DCTPP1: variants seen among roughly 807,000 people sequenced by gnomAD.
DCTPP1 encodes XTP3-transactivated gene A protein.
In DCTPP1, 8 loss-of-function variants were observed where a neutral mutation model predicts 8.8. The observed-to-expected ratio is 0.91, with a 90% CI of 0.54 to 1.64. The LOEUF is 1.64. Ranked by LOEUF, DCTPP1 falls within the 40% of genes most tolerant of loss-of-function variation. DCTPP1 has a pLI of 0.00. For synonymous variants in DCTPP1, 85 were observed against 92.1 expected (o/e 0.92, Z 0.44); for missense variants, 231 against 230.4 (o/e 1.00, Z -0.02).
chr16:30,424,802 A>G (rs1041540134), intron 2 of DCTPP1, among the ~76,000 whole-genome samples: 1 of 152,212 alleles, frequency 6.6e-6, no homozygotes, highest in African/African-American at 2.4e-5. Flanking sequence ...CGTCACCACC[A>G]CAGACCAAAC....
At chr16:30,428,597 C>G (rs995447378) in intron 2 of DCTPP1, among the ~76,000 whole-genome samples, 1 of 152,028 alleles carries the variant, frequency 6.6e-6, no homozygotes, top group Non-Finnish European at 1.5e-5. Flanking sequence ...TGGTGAAACC[C>G]CGTCTCCACT....
intron 2 of DCTPP1, among the ~76,000 whole-genome samples, chr16:30,426,439 T>C (rs1597037247): frequency 6.6e-6 from 1 of 151,230 alleles, no homozygotes. Flanking sequence ...TCTCCCAAAA[T>C]GCTGGGATTA....
intron 1 of DCTPP1, chr16:30,429,638 G>C (rs1014227173): frequency 7.7e-6 from 4 of 517,830 alleles, no homozygotes; most frequent in South Asian, 2.6e-5. Context: ...TATCTTCCCA[G>C]GGCTAGGCTG....
At chr16:30,429,250 T>G (rs1338339979) in intron 1 of DCTPP1, 83 bp from the exon 2 acceptor site, 1 of 1,371,916 alleles carries the variant, frequency 7.3e-7, no homozygotes. Flanking sequence ...CCCCGTAGTA[T>G]GTAATGGGGC....
intron 2 of DCTPP1, among the ~76,000 whole-genome samples, chr16:30,426,559 C>T (rs1488713513): frequency 6.6e-6 from 1 of 150,396 alleles, no homozygotes; most frequent in Non-Finnish European, 1.5e-5. Flanking sequence ...GCCAGCTCTG[C>T]CTCCCGGATT....
At chr16:30,428,351 G>C (rs2151129343) in intron 2 of DCTPP1, among the ~76,000 whole-genome samples, 1 of 152,328 alleles carries the variant, frequency 6.6e-6, no homozygotes, top group Non-Finnish European at 1.5e-5. Flanking sequence ...AGGAGCGTCA[G>C]ATTCTCCCTG....
At chr16:30,429,597 C>T (rs1350379011) in intron 1 of DCTPP1, 5 of 460,476 alleles carry the variant, frequency 1.1e-5, no homozygotes, top group African/African-American at 4.1e-5. Flanking sequence ...ACCCCCGGCG[C>T]CTGGAGAGCA....
chr16:30,429,192 GT>G (rs1392133793), intron 1 of DCTPP1, 25 bp from the exon 2 acceptor site: 3 of 1,612,728 alleles, frequency 1.9e-6, no homozygotes, highest in African/African-American at 2.7e-5. Context: ...AGGAGTGTAA[GT>G]CCAAGTCTCC....
chr16:30,426,575 G>A (rs1177019797), intron 2 of DCTPP1, among the ~76,000 whole-genome samples: 1 of 142,714 alleles, frequency 7.0e-6, no homozygotes, highest in Non-Finnish European at 1.5e-5. Context: ...GGATTCAAGC[G>A]ATTCTCCTGC....
At chr16:30,428,229 T>C (rs2050204861) in intron 2 of DCTPP1, among the ~76,000 whole-genome samples, 1 of 152,188 alleles carries the variant, frequency 6.6e-6, no homozygotes, top group Admixed American at 6.5e-5. Context: ...TCCACAGCCC[T>C]ATCACTCATC....
intron 2 of DCTPP1, among the ~76,000 whole-genome samples, chr16:30,427,388 C>G (rs1465013923): frequency 6.6e-6 from 1 of 151,184 alleles, no homozygotes; most frequent in African/African-American, 2.4e-5. Context: ...TCTTGGCTAA[C>G]TGCAGTCTCT....
intron 2 of DCTPP1, among the ~76,000 whole-genome samples, chr16:30,427,832 C>T (rs1274530555): frequency 6.6e-6 from 1 of 151,820 alleles, no homozygotes; most frequent in African/African-American, 2.4e-5. Flanking sequence ...CCCATCTCTA[C>T]AAAAAGTAAA....
At chr16:30,428,793 A>G (rs2050208260) in intron 2 of DCTPP1, 2 of 416,696 alleles carry the variant, frequency 4.8e-6, no homozygotes, top group South Asian at 7.7e-5. Context: ...AACAAAAAAC[A>G]AAAGAAGGGA....
chr16:30,429,247 G>C (rs2050211176), intron 1 of DCTPP1, 80 bp from the exon 2 acceptor site: 1 of 1,385,094 alleles, frequency 7.2e-7, no homozygotes, highest in African/African-American at 1.4e-5. Flanking sequence ...TACCCCCGTA[G>C]TATGTAATGG....
intron 1 of DCTPP1, chr16:30,429,664 T>C: frequency 1.9e-6 from 1 of 525,074 alleles, no homozygotes; most frequent in South Asian, 2.5e-5. Flanking sequence ...CGTTCCTAGT[T>C]ACCACTCGGA....
chr16:30,429,073 C>A lies in DCTPP1; in HGVS notation c.196G>T (p.Glu66Ter). The A allele has an allele frequency of 6.2e-7, 1 of 1,613,716 alleles. No individual in the cohort carries two copies. The highest frequency in any genetic ancestry group is 8.5e-7 in the Non-Finnish European group (1 of 1,179,816). ...TCTACTCACAAGAGTTCTGCCAGCTCCCCCACTTCCCCAACCAAGGCCAGG... is the reference window on the plus strand; with the variant it reads ...TCTACTCACAAGAGTTCTGCCAGCTACCCCACTTCCCCAACCAAGGCCAGG... ...LLLALVGEVG[E>*]LAELFQWKTD... is the part of the protein sequence containing the mutation. The change falls in exon 2 of 3, where the codon GAG (glutamate) becomes TAG (stop). Residue 66 changes from glutamate to a stop codon, truncating the protein, a stop_gained. Coordinates refer to ENST00000319285, the MANE Select transcript of DCTPP1 (RefSeq NM_024096.2). LOFTEE classifies it high-confidence loss of function.
intron 2 of DCTPP1, among the ~76,000 whole-genome samples, chr16:30,426,396 C>T (rs1207787007): frequency 9.9e-5 from 15 of 151,000 alleles, no homozygotes; most frequent in Admixed American, 8.6e-4. Context: ...AGGATGGTCT[C>T]GATCTCCTGA....
At chr16:30,429,820 C>T in intron 1 of DCTPP1, 60 bp downstream of exon 1, 1 of 1,528,188 alleles carries the variant, frequency 6.5e-7, no homozygotes, top group Non-Finnish European at 8.8e-7. Context: ...GAGGAACCCT[C>T]CCCAAAACGC....
In DCTPP1 at chr16:30,424,406, G is replaced by T. The variant is rs2050180701; in HGVS notation, c.340C>A (p.Leu114Met). Residue 114 changes from leucine (L) to methionine (M), a missense_variant, in exon 3 of 3, where the codon CTG (leucine) becomes ATG (methionine). Physicochemically the swap from Leu to Met is conservative, Grantham distance 15 (BLOSUM62 2). Transcript: ENST00000319285. The stretch of plus-strand genomic sequence containing the variant: ...ATTTTGGAGAGCACTGCTAGCGGCA[G>T]ATCCACACGGCAGCGGGCTGCTAAT... ...VALAARCRVDLPLAVLSKMDI... is the reference protein window; with the variant it reads ...VALAARCRVDMPLAVLSKMDI... 1 of 1,614,136 alleles carries T rather than the reference G, an allele frequency of 6.2e-7. No individual in the cohort carries two copies. The highest frequency in any genetic ancestry group is 1.7e-5 in the Admixed American group (1 of 60,008).
Sources: allele counts gnomAD v4.1 joint callset (sites outside exome capture counted in the v4.1 genomes callset), GRCh38; gene constraint gnomAD v4.1.1; transcripts MANE v1.5; gene names NCBI Gene and HGNC (gene_info 2026-07-23, HGNC 2026-07-21).